Variants in PARN observed in about 807,000 individuals in gnomAD.
PARN encodes the protein poly(A)-specific ribonuclease, also known as poly(A)-specific ribonuclease PARN.
PARN carries 71 observed loss-of-function variants against 102.8 expected under a neutral mutation model. The ratio of observed to expected loss-of-function variants is 0.69; its 90% CI spans 0.57 to 0.84. PARN has a LOEUF of 0.84. Among genes scored for constraint, PARN ranks in the 40% least tolerant of loss-of-function variants. The pLI, the probability that PARN is intolerant of heterozygous loss-of-function variation, is 0.00. For missense variants in PARN, 782 were observed against 760.9 expected, an observed-to-expected ratio of 1.03 and a Z score of -0.33; for synonymous variants, 261 against 252.9, an observed-to-expected ratio of 1.03 and a Z score of -0.30.
intron 22 of PARN, among the ~76,000 whole-genome samples, chr16:14,451,531 G>A (rs575748967): frequency 2.0e-5 from 3 of 152,212 alleles, no homozygotes; most frequent in Non-Finnish European, 2.9e-5. Context: ...TCACAGGAAA[G>A]GGTGGGTATT....
chr16:14,606,450 T>C (rs1269302777), intron 10 of PARN, 34 bp downstream of exon 10: 5 of 1,325,840 alleles, frequency 3.8e-6, no homozygotes, highest in Non-Finnish European at 2.1e-6. Flanking sequence ...AATGGATGTG[T>C]TTAATGTTAG....
chr16:14,524,580 C>A (rs1176002846), intron 21 of PARN, among the ~76,000 whole-genome samples: 4 of 152,104 alleles, frequency 2.6e-5, no homozygotes, highest in Non-Finnish European at 4.4e-5. Context: ...AAATTAGAAA[C>A]CTACTGATAA....
At chr16:14,448,132 C>T (rs183858777) in intron 22 of PARN, among the ~76,000 whole-genome samples, 60 of 151,388 alleles carry the variant, frequency 4.0e-4, no homozygotes, top group Admixed American at 7.9e-4. Flanking sequence ...TTACAGGCAC[C>T]CGCCACCATG....
chr16:14,519,404 G>A (rs559549784), intron 21 of PARN, among the ~76,000 whole-genome samples: 20 of 151,772 alleles, frequency 1.3e-4, no homozygotes, highest in Admixed American at 1.0e-3. Flanking sequence ...GTAAAGCTCA[G>A]AAACAATAAC....
intron 21 of PARN, among the ~76,000 whole-genome samples, chr16:14,538,911 T>C (rs746892174): frequency 6.6e-6 from 1 of 152,122 alleles, no homozygotes; most frequent in Non-Finnish European, 1.5e-5. Context: ...AAATTGCACA[T>C]ATGAGGAATC....
At chr16:14,462,316 A>G (rs1567293807) in intron 22 of PARN, among the ~76,000 whole-genome samples, 1 of 152,216 alleles carries the variant, frequency 6.6e-6, no homozygotes, top group Non-Finnish European at 1.5e-5. Flanking sequence ...AGAAATGTCC[A>G]AGAAATGAAC....
intron 21 of PARN, among the ~76,000 whole-genome samples, chr16:14,492,506 GT>G (rs1964110790): frequency 6.6e-6 from 1 of 152,168 alleles, no homozygotes; most frequent in Non-Finnish European, 1.5e-5. Flanking sequence ...CAGAGAGAAA[GT>G]TCCATCGGCA....
rs373203553 is a variant in PARN, at chr16:14,609,059, C to T, written c.619G>A (p.Gly207Arg). Residue 207 changes from glycine to arginine, a missense_variant and splice_region_variant, in exon 8 of 24, where the codon GGG becomes AGG. Coordinates refer to ENST00000437198, the MANE Select transcript of PARN (RefSeq NM_002582.4). ...GCAGAAATGTTCAGGACAACTAACC[C>T]GGTACATGGCTCTAAATCCAAGTTC... ...NKNLDLEPCT[G>R]FQRKLIYQTL... is the part of the protein sequence containing the mutation. The T allele has an allele frequency of 4.4e-5, 68 of 1,561,388 alleles. No individual in the cohort carries two copies. Among genetic ancestry groups the T allele is most frequent in the Non-Finnish European group, 2.0e-5 (23 of 1,138,396 alleles).
At chr16:14,506,972 G>A (rs1173568700) in intron 21 of PARN, among the ~76,000 whole-genome samples, 1 of 151,906 alleles carries the variant, frequency 6.6e-6, no homozygotes, top group African/African-American at 2.4e-5. Context: ...TTTTGAAAAA[G>A]ACTTAATGTT....
intron 21 of PARN, among the ~76,000 whole-genome samples, chr16:14,501,294 C>A (rs1374860656): frequency 7.0e-6 from 1 of 142,162 alleles, no homozygotes; most frequent in Non-Finnish European, 1.5e-5. Context: ...AACAAAAAAA[C>A]AATAATAATA....
intron 22 of PARN, among the ~76,000 whole-genome samples, chr16:14,472,619 A>C (rs898717978): frequency 6.6e-6 from 1 of 152,262 alleles, no homozygotes; most frequent in African/African-American, 2.4e-5. Context: ...TGAAGGCACA[A>C]AAAACATGGC....
chr16:14,534,193 T>G (rs1374695771), intron 21 of PARN, among the ~76,000 whole-genome samples: 1 of 141,964 alleles, frequency 7.0e-6, no homozygotes, highest in Non-Finnish European at 1.5e-5. Context: ...CACTCCAGCC[T>G]GGGCAACTGG....
intron 22 of PARN, among the ~76,000 whole-genome samples, chr16:14,462,109 T>G (rs1014449244): frequency 6.6e-6 from 1 of 152,216 alleles, no homozygotes; most frequent in East Asian, 1.9e-4. Flanking sequence ...CTGAAATCCA[T>G]GCATATCAGA....
intron 6 of PARN, among the ~76,000 whole-genome samples, chr16:14,613,783 T>A (rs550411379): frequency 6.6e-6 from 1 of 152,178 alleles, no homozygotes; most frequent in African/African-American, 2.4e-5. Context: ...ACATCACCAG[T>A]ATTGGGACAA....
rs373527624 is a variant in PARN at position 14,554,057 on chromosome 16, C to T, written c.1405+8G>A. 261 of 1,593,884 alleles carry T rather than the reference C, an allele frequency of 1.6e-4. No individual in the cohort carries two copies. Among genetic ancestry groups the T allele is most frequent in the Non-Finnish European group, 2.1e-4 (246 of 1,164,926 alleles). On this transcript the variant is annotated splice_region_variant and intron_variant, in intron 20 of 23. Transcript: ENST00000437198. ...ACCCTAAAAAGTACATCTGAACTTG[C>T]GACTTACCAAAGGCACTGAAAAGCT...
intron 21 of PARN, among the ~76,000 whole-genome samples, chr16:14,539,773 A>G (rs1966770797): frequency 6.6e-6 from 1 of 152,242 alleles, no homozygotes; most frequent in South Asian, 2.1e-4. Context: ...TGCCTGTTAA[A>G]AAGAAATACT....
intron 18 of PARN, among the ~76,000 whole-genome samples, chr16:14,572,462 T>A (rs1968871365): frequency 6.6e-6 from 1 of 152,146 alleles, no homozygotes. Flanking sequence ...AAAACCCAAT[T>A]TGCTAACAGC....
At chr16:14,603,113 G>C (rs1970976633) in intron 11 of PARN, among the ~76,000 whole-genome samples, 1 of 151,950 alleles carries the variant, frequency 6.6e-6, no homozygotes, top group Non-Finnish European at 1.5e-5. Flanking sequence ...TTGTAGAGAT[G>C]GGGTTTCGCT....
At chr16:14,440,364 G>C (rs1960891571) in intron 23 of PARN, among the ~76,000 whole-genome samples, 1 of 152,222 alleles carries the variant, frequency 6.6e-6, no homozygotes, top group African/African-American at 2.4e-5. Context: ...AAGTACTGGT[G>C]AGGGCGCAGA....
Sources: allele counts gnomAD v4.1 joint callset (sites outside exome capture counted in the v4.1 genomes callset), GRCh38; gene constraint gnomAD v4.1.1; transcripts MANE v1.5; gene names NCBI Gene and HGNC (gene_info 2026-07-23, HGNC 2026-07-21).